FHOD3: variants seen among roughly 807,000 people sequenced by gnomAD.
FHOD3 encodes the protein formin homology 2 domain containing 3, also known as FH1/FH2 domain-containing protein 3.
In FHOD3, 90 loss-of-function variants were observed where a neutral mutation model predicts 173.0. That is an observed-to-expected ratio of 0.52 (90% CI 0.44 to 0.62). FHOD3 has a LOEUF of 0.62. FHOD3 is among the 20% of genes least tolerant of loss of function. The pLI is 0.00. For synonymous variants in FHOD3, 828 were observed against 823.0 expected (o/e 1.01, Z -0.10); for missense variants, 1,945 against 2,034.7 (o/e 0.96, Z 0.85).
At chr18:36,663,477 T>C (rs1433817190) in intron 14 of FHOD3, among the ~76,000 whole-genome samples, 1 of 152,230 alleles carries the variant, frequency 6.6e-6, no homozygotes, top group Non-Finnish European at 1.5e-5. Context: ...TACAACTGTG[T>C]CATGTGCTGC....
At position 36,627,181 on chromosome 18, in the gene FHOD3, G is replaced by A. The variant is rs2034174005; in HGVS notation, c.1196+1432G>A. Among the ~76,000 whole-genome samples, 3 of 152,134 alleles carry A rather than the reference G, an allele frequency of 2.0e-5. No homozygotes were observed. The South Asian group carries it at 6.2e-4, about 32-fold the overall frequency. ...GCCAATTCTCAAAGAAAAAGCCCTC[G>A]AAGCTCTCTTCCAGCTGGCTTGAGA... On this transcript the variant is annotated intron_variant, in intron 10 of 28. Transcript: ENST00000590592.
chr18:36,726,141 AT>A (rs1343244004), intron 19 of FHOD3, among the ~76,000 whole-genome samples: 5 of 150,426 alleles, frequency 3.3e-5, no homozygotes, highest in Admixed American at 2.0e-4. Context: ...TTTTATATAT[AT>A]TTTATATATG....
intron 6 of FHOD3, among the ~76,000 whole-genome samples, chr18:36,582,603 A>T (rs1209553317): frequency 6.6e-6 from 1 of 152,226 alleles, no homozygotes; most frequent in Non-Finnish European, 1.5e-5. Flanking sequence ...GAAGCAAAGT[A>T]TTTACAGGCA....
intron 3 of FHOD3, among the ~76,000 whole-genome samples, chr18:36,499,162 G>A (rs1257814422): frequency 6.6e-6 from 1 of 152,126 alleles, no homozygotes; most frequent in Non-Finnish European, 1.5e-5. Flanking sequence ...GGAGTGCGGT[G>A]ACATGATCTC....
At chr18:36,647,450 A>T (rs760108098) in intron 10 of FHOD3, among the ~76,000 whole-genome samples, 1 of 152,212 alleles carries the variant, frequency 6.6e-6, no homozygotes, top group Non-Finnish European at 1.5e-5. Context: ...AGACAAAATT[A>T]TCAGATCTTG....
chr18:36,550,398 G>A (rs1362482364), intron 5 of FHOD3, among the ~76,000 whole-genome samples: 1 of 151,320 alleles, frequency 6.6e-6, no homozygotes, highest in Non-Finnish European at 1.5e-5. Flanking sequence ...TTCCCATTCT[G>A]TTCTTCTCTT....
At chr18:36,345,254 G>A (rs977503448) in intron 1 of FHOD3, among the ~76,000 whole-genome samples, 1 of 151,880 alleles carries the variant, frequency 6.6e-6, no homozygotes, top group Non-Finnish European at 1.5e-5. Context: ...TACAATAAAA[G>A]AAGGTATTAG....
intron 3 of FHOD3, among the ~76,000 whole-genome samples, chr18:36,399,817 T>A (rs2048720349): frequency 6.6e-6 from 1 of 152,192 alleles, no homozygotes; most frequent in African/African-American, 2.4e-5. Flanking sequence ...TGCTCTGAGC[T>A]CCCATCTTGC....
chr18:36,526,626 C>T (rs2056527876), intron 5 of FHOD3, among the ~76,000 whole-genome samples: 1 of 152,188 alleles, frequency 6.6e-6, no homozygotes. Flanking sequence ...TGGTCTCAAA[C>T]TCCTGACCTC....
chr18:36,632,757 G>T (rs1208550528), intron 10 of FHOD3, among the ~76,000 whole-genome samples: 1 of 152,208 alleles, frequency 6.6e-6, no homozygotes, highest in African/African-American at 2.4e-5. Flanking sequence ...GATGGAGCCA[G>T]TGTTAGCAGT....
intron 3 of FHOD3, among the ~76,000 whole-genome samples, chr18:36,435,870 G>A (rs1178996097): frequency 6.6e-6 from 1 of 152,154 alleles, no homozygotes; most frequent in Admixed American, 6.5e-5. Flanking sequence ...AACAAGAGTG[G>A]TCTGCAGTTT....
At chr18:36,639,525 T>C (rs533922710) in intron 10 of FHOD3, among the ~76,000 whole-genome samples, 12 of 152,084 alleles carry the variant, frequency 7.9e-5, no homozygotes, top group African/African-American at 2.9e-4. Flanking sequence ...TAGCCGGGCG[T>C]GGTGGCGGGT....
intron 18 of FHOD3, among the ~76,000 whole-genome samples, chr18:36,712,977 G>C (rs1352911297): frequency 2.6e-5 from 4 of 152,152 alleles, no homozygotes; most frequent in Admixed American, 2.0e-4. Flanking sequence ...TTTTGCAAGT[G>C]CTAAAAGAAA....
chr18:36,370,854 C>T (rs185672257), intron 2 of FHOD3, among the ~76,000 whole-genome samples: 24 of 152,318 alleles, frequency 1.6e-4, no homozygotes, highest in African/African-American at 5.8e-4. Flanking sequence ...CTGCTGTCCC[C>T]GCTACCCCAG....
At chr18:36,678,494 T>C (rs1181351418) in intron 14 of FHOD3, among the ~76,000 whole-genome samples, 2 of 129,484 alleles carry the variant, frequency 1.5e-5, no homozygotes, top group Non-Finnish European at 3.1e-5. Flanking sequence ...CCATGATCAT[T>C]CTGGCCTGAG....
chr18:36,400,170 G>A (rs752076617), intron 3 of FHOD3, among the ~76,000 whole-genome samples: 1 of 152,006 alleles, frequency 6.6e-6, no homozygotes, highest in Non-Finnish European at 1.5e-5. Context: ...GTTTATTTTT[G>A]TATGTTTGTA....
intron 4 of FHOD3, among the ~76,000 whole-genome samples, chr18:36,504,500 C>A (rs1455125451): frequency 2.0e-5 from 3 of 151,848 alleles, no homozygotes; most frequent in South Asian, 4.2e-4. Flanking sequence ...GGACAAAAAA[C>A]CAAACACTGC....
chr18:36,768,167 A>G (rs1226647687), intron 27 of FHOD3, among the ~76,000 whole-genome samples: 3 of 151,906 alleles, frequency 2.0e-5, no homozygotes, highest in Non-Finnish European at 4.4e-5. Context: ...GATGGTAGAA[A>G]TTAACAATTT....
chr18:36,319,905 G>A (rs1167768607), intron 1 of FHOD3, among the ~76,000 whole-genome samples: 1 of 152,196 alleles, frequency 6.6e-6, no homozygotes, highest in Non-Finnish European at 1.5e-5. Flanking sequence ...ATAATGAAAT[G>A]AAGGCAGAAA....
Sources: allele counts gnomAD v4.1 joint callset (sites outside exome capture counted in the v4.1 genomes callset), GRCh38; gene constraint gnomAD v4.1.1; transcripts MANE v1.5; gene names NCBI Gene and HGNC (gene_info 2026-07-23, HGNC 2026-07-21).